ARHGEF26: variants seen among roughly 807,000 people sequenced by gnomAD.
ARHGEF26 encodes the protein Rho guanine nucleotide exchange factor (GEF) 26.
A neutral mutation model predicts 89.4 loss-of-function variants in ARHGEF26; 59 were observed. That is an observed-to-expected ratio of 0.66 (90% CI 0.54 to 0.82). The LOEUF is 0.82. ARHGEF26 is among the 40% of genes least tolerant of loss of function. The probability of loss-of-function intolerance (pLI) is 0.00; values close to 1 mark genes in which losing one functional copy is unlikely to be tolerated. For synonymous variants in ARHGEF26, 500 were observed against 428.4 expected, an observed-to-expected ratio of 1.17 and a Z score of -2.06; for missense variants, 1,234 against 1,085.6, an observed-to-expected ratio of 1.14 and a Z score of -1.92.
upstream of ARHGEF26, chr3:154,121,259 A>G (rs1163570921): frequency 6.6e-6 from 1 of 152,114 alleles, no homozygotes; most frequent in African/African-American, 2.4e-5. Flanking sequence ...TTTCCCAGGG[A>G]GACTGGGGCT....
chr3:154,122,131 C>G lies in ARHGEF26; in HGVS notation c.139C>G (p.Leu47Val). The change falls in exon 2 of 15, where the codon CTA (leucine) becomes GTA (valine). Residue 47 changes from leucine to valine, a missense_variant. Transcript: ENST00000465093. Reference protein sequence around the residue: ...PQSYQSPNGLLITDFPVEDGG... With the variant: ...PQSYQSPNGLVITDFPVEDGG... ...GTCCTACCAGAGCCCCAACGGGTTA[C>G]TAATTACGGATTTCCCGGTGGAGGA... is the stretch of plus-strand genomic sequence containing the variant. The G allele has an allele frequency of 6.2e-7, 1 of 1,606,004 alleles. No homozygotes were observed. Among genetic ancestry groups the G allele is most frequent in the Non-Finnish European group, 8.5e-7 (1 of 1,176,224 alleles).
At chr3:154,147,917 C>T (rs1719794514) in intron 4 of ARHGEF26, among the ~76,000 whole-genome samples, 1 of 152,106 alleles carries the variant, frequency 6.6e-6, no homozygotes, top group Non-Finnish European at 1.5e-5. Flanking sequence ...CTTGGGGTCC[C>T]CTTTTCAGAT....
At chr3:154,187,915 C>A in intron 7 of ARHGEF26, 78 bp downstream of exon 7, 1 of 1,326,916 alleles carries the variant, frequency 7.5e-7, no homozygotes, top group Non-Finnish European at 1.0e-6. Context: ...ATTAATTGAT[C>A]TTTTGAATTA....
At chr3:154,185,558 T>C (rs867783777) in intron 6 of ARHGEF26, among the ~76,000 whole-genome samples, 3 of 152,158 alleles carry the variant, frequency 2.0e-5, no homozygotes. Flanking sequence ...GTGCAGGTAC[T>C]GCAGACCACC....
chr3:154,155,613 A>G (rs549537202), intron 6 of ARHGEF26, among the ~76,000 whole-genome samples: 1 of 152,002 alleles, frequency 6.6e-6, no homozygotes, highest in Non-Finnish European at 1.5e-5. Context: ...ACGTTCATTT[A>G]TTTAGTTATT....
intron 2 of ARHGEF26, among the ~76,000 whole-genome samples, chr3:154,123,761 G>C (rs1718149226): frequency 6.6e-6 from 1 of 152,110 alleles, no homozygotes; most frequent in Non-Finnish European, 1.5e-5. Flanking sequence ...TTAAGGTTAG[G>C]GTGGACACTG....
intron 9 of ARHGEF26, among the ~76,000 whole-genome samples, chr3:154,211,312 T>G (rs1715344698): frequency 2.0e-5 from 3 of 152,150 alleles, no homozygotes. Flanking sequence ...AGAACTCAAG[T>G]TCAGACTGCT....
At chr3:154,215,820 A>G (rs538964130) in intron 9 of ARHGEF26, among the ~76,000 whole-genome samples, 1 of 152,242 alleles carries the variant, frequency 6.6e-6, no homozygotes, top group African/African-American at 2.4e-5. Flanking sequence ...TAACCTCCCA[A>G]TATTATCACA....
At chr3:154,142,884 A>G (rs1719465402) in intron 4 of ARHGEF26, among the ~76,000 whole-genome samples, 1 of 152,136 alleles carries the variant, frequency 6.6e-6, no homozygotes, top group African/African-American at 2.4e-5. Flanking sequence ...CTGCCTCATA[A>G]GCTATTGCTC....
chr3:154,240,705 C>T, intron 12 of ARHGEF26, 126 bp downstream of exon 12: 1 of 770,642 alleles, frequency 1.3e-6, no homozygotes, highest in Non-Finnish European at 2.0e-6. Flanking sequence ...CTACTGTTCG[C>T]TAAGCACTAT....
At chr3:154,173,895 C>T (rs910709910) in intron 6 of ARHGEF26, among the ~76,000 whole-genome samples, 1 of 119,538 alleles carries the variant, frequency 8.4e-6, no homozygotes, top group Admixed American at 8.1e-5. Flanking sequence ...TTTCAGAAAC[C>T]TTTTTGGCTT....
chr3:154,171,177 C>T (rs13080804), intron 6 of ARHGEF26, among the ~76,000 whole-genome samples: 1,953 of 152,198 alleles, frequency 0.013, 23 homozygotes, highest in Middle Eastern at 0.027. Context: ...CTCTAGTAGC[C>T]AGGAAAGACT....
rs201150057 is a variant in ARHGEF26 at position 154,186,886 on chromosome 3, C to CTTTTTTTTTTTTTTTT, written c.1488-786_1488-771dup. Among the ~76,000 whole-genome samples the CTTTTTTTTTTTTTTTT allele has an allele frequency of 3.8e-4, 31 of 82,034 alleles. 7 individuals carry two copies. Among genetic ancestry groups the CTTTTTTTTTTTTTTTT allele is most frequent in the African/African-American group, 1.4e-3 (30 of 21,124 alleles). 53.8% of individuals were successfully genotyped at this position (82,034 alleles called of 152,430 possible). A position where few individuals can be genotyped will look rare whatever the true frequency, so the allele number is the denominator to read the frequency against. The stretch of plus-strand genomic sequence containing the variant: ...CATATACTGTTAGATTTATTTCAGA[C>CTTTTTTTTTTTTTTTT]TTTTTTTTTTTTTTTTTTTTTTTTT... On this transcript the variant is annotated intron_variant, in intron 6 of 14. Coordinates refer to ENST00000465093, the MANE Select transcript of ARHGEF26 (RefSeq NM_015595.4).
intron 6 of ARHGEF26, among the ~76,000 whole-genome samples, chr3:154,186,136 G>GACACACACATACAC (rs1713513815): frequency 6.8e-6 from 1 of 146,930 alleles, no homozygotes; most frequent in African/African-American, 2.5e-5. Flanking sequence ...CACACACTTA[G>GACACACACATACAC]ACACACACAC....
Position 154,121,893 on chromosome 3 carries a change from C to T in ARHGEF26, c.-51-49C>T, listed in dbSNP as rs1256153890. On this transcript the variant is annotated intron_variant, in intron 1 of 14. Transcript: ENST00000465093. ...TCTGGGAGCACGCGAGTCGGCCAGG[C>T]GTCCCCGGTTGTCCAGAGGCACAGT... The T allele has an allele frequency of 1.3e-5, 19 of 1,456,284 alleles. No individual in the cohort carries two copies. In the East Asian group the frequency reaches 2.6e-4, roughly 20 times the overall value. The allele number at this position is 1,456,284 out of a possible 1,614,324, so 90.2% of individuals were successfully genotyped here.
At chr3:154,139,110 A>T (rs899722768) in intron 4 of ARHGEF26, among the ~76,000 whole-genome samples, 3 of 152,120 alleles carry the variant, frequency 2.0e-5, no homozygotes, top group Non-Finnish European at 4.4e-5. Context: ...GGGGAGTGGC[A>T]GGGTAGAAGA....
chr3:154,210,788 A>C (rs1480271698), intron 9 of ARHGEF26, among the ~76,000 whole-genome samples: 1 of 151,520 alleles, frequency 6.6e-6, no homozygotes, highest in Non-Finnish European at 1.5e-5. Flanking sequence ...CTAAAAATAC[A>C]AAAAATTAGC....
intron 14 of ARHGEF26, 64 bp from the exon 15 acceptor site, chr3:154,255,262 TTCATA>T (rs1718425021): frequency 1.3e-6 from 2 of 1,526,422 alleles, no homozygotes; most frequent in South Asian, 2.5e-5. Flanking sequence ...TCTCAGCTTT[TTCATA>T]TCCTTGGAGC....
At chr3:154,179,802 A>C (rs1713071097) in intron 6 of ARHGEF26, among the ~76,000 whole-genome samples, 1 of 152,178 alleles carries the variant, frequency 6.6e-6, no homozygotes, top group Non-Finnish European at 1.5e-5. Context: ...GTTAGAAGAG[A>C]GTTTCTAAGA....
Sources: allele counts gnomAD v4.1 joint callset (sites outside exome capture counted in the v4.1 genomes callset), GRCh38; gene constraint gnomAD v4.1.1; transcripts MANE v1.5; gene names NCBI Gene and HGNC (gene_info 2026-07-23, HGNC 2026-07-21).